The following ADAMTS2 variants were observed in gnomAD, a reference collection of about 807,000 sequenced individuals.
ADAMTS2 encodes the protein A disintegrin and metalloproteinase with thrombospondin motifs 2.
Under a neutral mutation model 123.0 loss-of-function variants are expected in ADAMTS2, and 50 were observed. The observed-to-expected ratio is 0.41, with a 90% CI of 0.32 to 0.51. The LOEUF (loss-of-function observed/expected upper bound fraction) is 0.51, where lower values mean the gene tolerates loss of function less well. Among genes scored for constraint, ADAMTS2 ranks in the 20% least tolerant of loss-of-function variants. ADAMTS2 has a pLI of 0.35. For synonymous variants in ADAMTS2, 678 were observed against 695.4 expected, an observed-to-expected ratio of 0.98 and a Z score of 0.39; for missense variants, 1,494 against 1,705.2, an observed-to-expected ratio of 0.88 and a Z score of 2.18.
chr5:179,231,005 A>C (rs562187957), intron 3 of ADAMTS2, among the ~76,000 whole-genome samples: 147 of 151,284 alleles, frequency 9.7e-4, no homozygotes, highest in African/African-American at 3.4e-3. Context: ...AGCGAAACTC[A>C]GTCTCAAAAA....
intron 5 of ADAMTS2, among the ~76,000 whole-genome samples, chr5:179,172,750 C>T (rs1048797492): frequency 3.3e-5 from 5 of 152,158 alleles, no homozygotes; most frequent in Admixed American, 2.0e-4. Context: ...AAGGACTGAG[C>T]GTGACAGAGC....
intron 3 of ADAMTS2, among the ~76,000 whole-genome samples, chr5:179,218,965 T>A (rs1159049068): frequency 1.3e-5 from 2 of 152,090 alleles, no homozygotes; most frequent in Non-Finnish European, 2.9e-5. Context: ...CCACCTGGGG[T>A]TGCACAGCAC....
At chr5:179,223,305 CACAT>C (rs1241996428) in intron 3 of ADAMTS2, among the ~76,000 whole-genome samples, 13 of 151,622 alleles carry the variant, frequency 8.6e-5, no homozygotes, top group Admixed American at 2.0e-4. Flanking sequence ...CGAACGCACT[CACAT>C]ACACACATGC....
chr5:179,121,584 G>A, intron 21 of ADAMTS2, 77 bp downstream of exon 21: 1 of 1,223,722 alleles, frequency 8.2e-7, no homozygotes, highest in Non-Finnish European at 1.2e-6. Context: ...CAGAGAGGAG[G>A]GGGGCCCAAG....
chr5:179,309,499 G>A (rs1467868450), intron 2 of ADAMTS2, among the ~76,000 whole-genome samples: 1 of 152,194 alleles, frequency 6.6e-6, no homozygotes. Flanking sequence ...GGGGCTGACT[G>A]TAATCCCAGC....
chr5:179,155,526 G>C lies in ADAMTS2; in HGVS notation c.1133-607C>G, dbSNP rs934058902. ...ACCCTGCAGAATATCCCAGCAGGGG[G>C]CTGGCTGGTGCGGACTGGGAGGTCA... On this transcript the variant is annotated intron_variant, in intron 6 of 21. Transcript: ENST00000251582. This position sits in a 1 kb window ranked among gnomAD's most constrained non-coding sequence, Gnocchi z 5.1. 1.3e-5 allele frequency among the ~76,000 whole-genome samples: 2 copies of C among 152,198 alleles called. No homozygotes were observed. The highest frequency in any genetic ancestry group is 4.8e-5 in the African/African-American group (2 of 41,452).
chr5:179,224,893 C>T (rs1418291589), intron 3 of ADAMTS2, among the ~76,000 whole-genome samples: 3 of 152,154 alleles, frequency 2.0e-5, no homozygotes, highest in Non-Finnish European at 4.4e-5. Flanking sequence ...CCTGAGCAAC[C>T]GTTTCCCTGT....
chr5:179,267,613 C>G (rs1056913283), intron 3 of ADAMTS2, among the ~76,000 whole-genome samples: 1 of 152,256 alleles, frequency 6.6e-6, no homozygotes, highest in Non-Finnish European at 1.5e-5. Flanking sequence ...GAGCAGCCCA[C>G]AGAGGAGGGC....
intron 2 of ADAMTS2, among the ~76,000 whole-genome samples, chr5:179,326,863 AGGAGAGGGAGAG>A (rs369135976): frequency 2.0e-5 from 3 of 152,026 alleles, no homozygotes; most frequent in Non-Finnish European, 4.4e-5. Context: ...AGTCATGGGA[AGGAGAGGGAGAG>A]GGAGAGGGAG....
chr5:179,326,447 A>C (rs1400395859), intron 2 of ADAMTS2, among the ~76,000 whole-genome samples: 2 of 151,858 alleles, frequency 1.3e-5, no homozygotes, highest in Non-Finnish European at 2.9e-5. Context: ...TGCCTGGGGC[A>C]GGGAGAGCAT....
At position 179,121,542 on chromosome 5, in the gene ADAMTS2, G is replaced by C. The variant is rs566692882; in HGVS notation, c.3178+119C>G. ...CGGGAGAAAACGGTCACCCCAGAGC[G>C]CGCCCGCAGAGTCAGGGGAGCTTTC... On this transcript the variant is annotated intron_variant, in intron 21 of 21. Coordinates refer to ENST00000251582, the MANE Select transcript of ADAMTS2 (RefSeq NM_014244.5). The C allele has an allele frequency of 1.3e-5, 10 of 777,112 alleles. No individual in the cohort carries two copies. The Admixed American group carries it at 2.4e-4, about 19-fold the overall frequency. The allele number at this position is 777,112 out of a possible 1,614,324, so 48.1% of individuals were successfully genotyped here.
intron 5 of ADAMTS2, among the ~76,000 whole-genome samples, chr5:179,167,785 C>G (rs1730730947): frequency 1.3e-5 from 2 of 152,258 alleles, no homozygotes; most frequent in South Asian, 4.1e-4. Context: ...ATGGGCACAA[C>G]TGCAGCTCCG....
Position 179,166,322 on chromosome 5 carries a change from G to A in ADAMTS2, c.976-7443C>T, listed in dbSNP as rs528881153. Among the ~76,000 whole-genome samples the A allele has an allele frequency of 5.8e-4, 88 of 152,308 alleles. 1 individual carries two copies. In the South Asian group the frequency reaches 0.018, roughly 31 times the overall value. ...TGGCTCCCCTGGCCCGGGCTGGAAA[G>A]GGTCTGAGGACATGCCTGAAAGACC... On this transcript the variant is annotated intron_variant, in intron 5 of 21. Transcript: ENST00000251582.
intron 2 of ADAMTS2, among the ~76,000 whole-genome samples, chr5:179,338,099 CAGAA>C (rs1757670652): frequency 6.6e-6 from 1 of 152,208 alleles, no homozygotes; most frequent in Admixed American, 6.5e-5. Context: ...TTACCAGTGC[CAGAA>C]ACATACCCAG....
rs528755270 is a variant in ADAMTS2 at position 179,285,871 on chromosome 5, G to T, written c.535-12807C>A. 2.6e-5 allele frequency among the ~76,000 whole-genome samples: 4 copies of T among 152,162 alleles called. No homozygotes were observed. The highest frequency in any genetic ancestry group is 5.9e-5 in the Non-Finnish European group (4 of 68,032). ...CCACAGCAGATTGTGGCCTTGAGAC[G>T]TGTGGTGGAGGAGAGCTCATGGAAT... On this transcript the variant is annotated intron_variant, in intron 2 of 21. Coordinates refer to ENST00000251582, the MANE Select transcript of ADAMTS2 (RefSeq NM_014244.5). The surrounding 1 kb of genome is among the most constrained non-coding windows in gnomAD (Gnocchi z 4.9).
intron 10 of ADAMTS2, among the ~76,000 whole-genome samples, chr5:179,150,501 C>G (rs1763334588): frequency 6.6e-6 from 1 of 152,174 alleles, no homozygotes; most frequent in Non-Finnish European, 1.5e-5. Context: ...TCACGACGGC[C>G]AAAAGGTGGA....
rs139528104 is a variant in ADAMTS2, at chr5:179,191,665, C to T, written c.892-10510G>A. Among the ~76,000 whole-genome samples the T allele has an allele frequency of 1.9e-3, 287 of 152,206 alleles. 3 individuals are homozygous for T. Among genetic ancestry groups the T allele is most frequent in the Non-Finnish European group, 2.9e-3 (194 of 67,994 alleles). The stretch of plus-strand genomic sequence containing the variant: ...GGGGGGCGGGCTGCTGAGCCCACAC[C>T]AGGCTTGGAGCCGGAGCCCTATCCC... On this transcript the variant is annotated intron_variant, in intron 4 of 21. Transcript: ENST00000251582.
In ADAMTS2 at chr5:179,170,365, T is replaced by C. The variant is rs1277635382; in HGVS notation, c.975+10707A>G. 6.6e-6 allele frequency among the ~76,000 whole-genome samples: 1 copy of C among 152,158 alleles called. No individual in the cohort carries two copies. Among genetic ancestry groups the C allele is most frequent in the Non-Finnish European group, 1.5e-5 (1 of 68,022 alleles). ...CCACTTTCTGCCCAAGTCTGGGTCATGGTCTCACATCCCCCAGAGTCTGTC... is the reference window on the plus strand; with the variant it reads ...CCACTTTCTGCCCAAGTCTGGGTCACGGTCTCACATCCCCCAGAGTCTGTC... On this transcript the variant is annotated intron_variant, in intron 5 of 21. Coordinates refer to ENST00000251582, the MANE Select transcript of ADAMTS2 (RefSeq NM_014244.5). This position sits in a 1 kb window ranked among gnomAD's most constrained non-coding sequence, Gnocchi z 4.3.
At chr5:179,196,075 A>C (rs1445320361) in intron 4 of ADAMTS2, among the ~76,000 whole-genome samples, 1 of 151,954 alleles carries the variant, frequency 6.6e-6, no homozygotes, top group Non-Finnish European at 1.5e-5. Flanking sequence ...TGCCTTCCCC[A>C]CCGCCACCAT....
Sources: allele counts gnomAD v4.1 joint callset (sites outside exome capture counted in the v4.1 genomes callset), GRCh38; gene constraint gnomAD v4.1.1; non-coding constraint Gnocchi (gnomAD v3.1); transcripts MANE v1.5; gene names NCBI Gene and HGNC (gene_info 2026-07-23, HGNC 2026-07-21).